Variants in CSMD1 observed in about 807,000 individuals in gnomAD.
CSMD1 encodes the protein CUB and sushi domain-containing protein 1.
Under a neutral mutation model 417.5 loss-of-function variants are expected in CSMD1, and 213 were observed. That is an observed-to-expected ratio of 0.51 (90% CI 0.46 to 0.57). CSMD1 has a LOEUF of 0.57. CSMD1 is among the 20% of genes least tolerant of loss of function. CSMD1 has a pLI of 0.00. For synonymous variants in CSMD1, 2,862 were observed against 1,736.8 expected (o/e 1.65, Z -16.11); for missense variants, 6,923 against 4,529.7 (o/e 1.53, Z -15.17).
rs749955355 is a variant in CSMD1, at chr8:2,955,549, C to T, written c.9994+40G>A. On this transcript the variant is annotated intron_variant, in intron 64 of 69. Coordinates refer to ENST00000635120, the MANE Select transcript of CSMD1 (RefSeq NM_033225.6). ...GATGGGCAGCTGATCCTTTCCCTTG[C>T]TCTTTGGAAAAGTATGCCACTCCTT... 6 of 1,603,484 alleles carry T rather than the reference C, an allele frequency of 3.7e-6. No homozygotes were observed. The Admixed American group carries it at 8.4e-5, about 22-fold the overall frequency.
At chr8:4,686,860 C>G (rs1031582565) in intron 1 of CSMD1, among the ~76,000 whole-genome samples, 1 of 152,172 alleles carries the variant, frequency 6.6e-6, no homozygotes, top group Admixed American at 6.5e-5. Context: ...AGGAAGGAGG[C>G]AAACCCTGAG....
chr8:3,719,184 T>C (rs1802006622), intron 6 of CSMD1, among the ~76,000 whole-genome samples: 1 of 152,156 alleles, frequency 6.6e-6, no homozygotes, highest in South Asian at 2.1e-4. Flanking sequence ...TTTGCCACTA[T>C]AATTTCCCAA....
At chr8:4,845,608 CCAGGCT>C in intron 1 of CSMD1, among the ~76,000 whole-genome samples, 2 of 152,316 alleles carry the variant, frequency 1.3e-5, no homozygotes, top group Admixed American at 6.5e-5. Context: ...CTACCATGTG[CCAGGCT>C]CTCTTTTAGG....
chr8:4,062,070 C>T (rs181098716), intron 3 of CSMD1, among the ~76,000 whole-genome samples: 31 of 152,128 alleles, frequency 2.0e-4, no homozygotes, highest in Admixed American at 1.8e-3. Context: ...GTGGTGGAGC[C>T]AGGTGCCAGG....
chr8:3,602,428 G>A (rs1801408424), intron 8 of CSMD1, among the ~76,000 whole-genome samples: 1 of 152,084 alleles, frequency 6.6e-6, no homozygotes, highest in South Asian at 2.1e-4. Flanking sequence ...AAAAATTAGG[G>A]AGCAGGGGGA....
chr8:4,543,290 A>G (rs1318754597), intron 2 of CSMD1, among the ~76,000 whole-genome samples: 1 of 152,078 alleles, frequency 6.6e-6, no homozygotes, highest in Admixed American at 6.6e-5. Flanking sequence ...CCAAAGCTTC[A>G]CCTGTTCATC....
At chr8:4,107,397 C>T (rs1448319857) in intron 3 of CSMD1, among the ~76,000 whole-genome samples, 2 of 152,178 alleles carry the variant, frequency 1.3e-5, no homozygotes, top group African/African-American at 4.8e-5. Context: ...AAAAATCACT[C>T]GCTCCACAGC....
chr8:4,814,635 C>T (rs1799100326), intron 1 of CSMD1, among the ~76,000 whole-genome samples: 1 of 152,138 alleles, frequency 6.6e-6, no homozygotes, highest in Non-Finnish European at 1.5e-5. Context: ...CAAGGGTCTT[C>T]ATGTGCTGTA....
intron 1 of CSMD1, among the ~76,000 whole-genome samples, chr8:4,844,619 C>T (rs940689163): frequency 6.6e-5 from 10 of 152,066 alleles, no homozygotes; most frequent in African/African-American, 2.2e-4. Flanking sequence ...ATTTAATAAG[C>T]GTCTTTTCTA....
At chr8:3,292,940 G>C (rs1187747549) in intron 25 of CSMD1, among the ~76,000 whole-genome samples, 1 of 151,866 alleles carries the variant, frequency 6.6e-6, no homozygotes, top group Non-Finnish European at 1.5e-5. Context: ...TTTACATTTT[G>C]GCATGATTTT....
At chr8:4,181,072 G>A (rs1378509026) in intron 3 of CSMD1, among the ~76,000 whole-genome samples, 1 of 152,034 alleles carries the variant, frequency 6.6e-6, no homozygotes, top group Non-Finnish European at 1.5e-5. Flanking sequence ...ATGAAAATAG[G>A]ACAACAGACC....
chr8:4,754,344 G>A (rs1811533200), intron 1 of CSMD1, among the ~76,000 whole-genome samples: 2 of 152,124 alleles, frequency 1.3e-5, no homozygotes, highest in African/African-American at 4.8e-5. Context: ...GAAACCTTGT[G>A]TTCTGGCTAC....
intron 30 of CSMD1, among the ~76,000 whole-genome samples, chr8:3,212,054 G>A (rs1797644352): frequency 1.3e-5 from 2 of 152,276 alleles, no homozygotes; most frequent in South Asian, 2.1e-4. Flanking sequence ...TTTGGGGGCT[G>A]TGCAGGCACC....
chr8:2,942,178 G>A (rs1313567136), intron 69 of CSMD1, among the ~76,000 whole-genome samples: 2 of 151,978 alleles, frequency 1.3e-5, no homozygotes, highest in Non-Finnish European at 2.9e-5. Flanking sequence ...CCTGTGGGGG[G>A]CTGGAGGGAG....
intron 3 of CSMD1, among the ~76,000 whole-genome samples, chr8:4,278,726 A>G (rs1334459456): frequency 6.6e-6 from 1 of 152,216 alleles, no homozygotes; most frequent in African/African-American, 2.4e-5. Context: ...ACTTGCTGCC[A>G]CTATCATCTC....
At chr8:4,407,760 T>C (rs111297204) in intron 3 of CSMD1, among the ~76,000 whole-genome samples, 270 of 152,270 alleles carry the variant, frequency 1.8e-3, no homozygotes, top group African/African-American at 6.4e-3. Flanking sequence ...TTAAAAACAG[T>C]CAAGTAAATA....
intron 7 of CSMD1, among the ~76,000 whole-genome samples, chr8:3,618,466 A>G (rs778008492): frequency 1.4e-4 from 21 of 150,168 alleles, no homozygotes; most frequent in Non-Finnish European, 2.6e-4. Context: ...TCTTTTTTAA[A>G]ATAAGTTTTT....
At chr8:3,414,212 C>CAAAAAAAAAAAAAAAAAAAAAAAAAAA (rs1161625328) in intron 12 of CSMD1, among the ~76,000 whole-genome samples, 1 of 49,738 alleles carries the variant, frequency 2.0e-5, no homozygotes, top group Non-Finnish European at 3.5e-5. Flanking sequence ...GCACCTAAAG[C>CAAAAAAAAAAAAAAAAAAAAAAAAAAA]AAAAAAAAAA....
chr8:4,305,583 T>TA (rs1202458412), intron 3 of CSMD1, among the ~76,000 whole-genome samples: 1 of 151,768 alleles, frequency 6.6e-6, no homozygotes, highest in East Asian at 1.9e-4. Flanking sequence ...TGAAAAAGAG[T>TA]AAAAAATTAA....
Sources: gnomAD v4.1 joint callset for allele counts (sites outside exome capture counted in the v4.1 genomes callset) on GRCh38, gnomAD v4.1.1 for gene constraint, MANE v1.5 for transcripts, NCBI Gene and HGNC (gene_info 2026-07-23, HGNC 2026-07-21) for gene names.